Variants in EYA4 observed in about 807,000 individuals in gnomAD.
The protein encoded by EYA4 is protein phosphatase EYA4.
EYA4 carries 31 observed loss-of-function variants against 87.9 expected under a neutral mutation model. The ratio of observed to expected loss-of-function variants is 0.35; its 90% CI spans 0.27 to 0.48. The LOEUF is 0.48. Among genes scored for constraint, EYA4 ranks in the 20% least tolerant of loss-of-function variants. The pLI is 0.99. For missense variants in EYA4, 678 were observed against 761.4 expected (o/e 0.89, Z 1.29); for synonymous variants, 263 against 270.6 (o/e 0.97, Z 0.28).
At chr6:133,411,648 A>G (rs1300783694) in intron 3 of EYA4, among the ~76,000 whole-genome samples, 1 of 152,072 alleles carries the variant, frequency 6.6e-6, no homozygotes, top group African/African-American at 2.4e-5. Flanking sequence ...AAAACTCTAC[A>G]TTATCTTATG....
chr6:133,354,066 CAG>C (rs1783836064), intron 2 of EYA4, among the ~76,000 whole-genome samples: 1 of 152,152 alleles, frequency 6.6e-6, no homozygotes, highest in Non-Finnish European at 1.5e-5. Context: ...ATAGCACCTA[CAG>C]TGTAGCTTAT....
chr6:133,357,366 G>C (rs186648022), intron 2 of EYA4, among the ~76,000 whole-genome samples: 1 of 150,916 alleles, frequency 6.6e-6, no homozygotes, highest in Admixed American at 6.6e-5. Flanking sequence ...GCAAAGAAAA[G>C]GGGGGACCTT....
At chr6:133,344,381 T>C (rs1416896370) in intron 2 of EYA4, among the ~76,000 whole-genome samples, 2 of 152,210 alleles carry the variant, frequency 1.3e-5, no homozygotes, top group Non-Finnish European at 2.9e-5. Flanking sequence ...ATTTGAAAAA[T>C]AAAATTTTAC....
chr6:133,529,054 G>T lies in EYA4; in HGVS notation c.*249G>T. On this transcript the variant is annotated 3_prime_UTR_variant, in exon 20 of 20. Transcript: ENST00000355286. ...TTTTTAAAAATCTGTGGAGGTTGCTGGTACACACCAAATGAGTCCAAACTG... is the reference window on the plus strand; with the variant it reads ...TTTTTAAAAATCTGTGGAGGTTGCTTGTACACACCAAATGAGTCCAAACTG... 7.9e-7 allele frequency: 1 copy of T among 1,268,242 alleles called. No homozygotes were observed. The highest frequency in any genetic ancestry group is 3.3e-4 in the Middle Eastern group (1 of 3,008). 78.6% of individuals were successfully genotyped at this position (1,268,242 alleles called of 1,614,324 possible).
chr6:133,352,797 T>TTAA (rs1783736308), intron 2 of EYA4, among the ~76,000 whole-genome samples: 3 of 152,214 alleles, frequency 2.0e-5, no homozygotes, highest in Admixed American at 1.3e-4. Context: ...AAAGCCAAGC[T>TTAA]TAATAAAAGG....
intron 3 of EYA4, among the ~76,000 whole-genome samples, chr6:133,407,957 G>A (rs993915842): frequency 1.3e-5 from 2 of 152,084 alleles, no homozygotes; most frequent in African/African-American, 4.8e-5. Context: ...AGTATGGGGG[G>A]AAGAAAAGGA....
intron 2 of EYA4, among the ~76,000 whole-genome samples, chr6:133,337,680 C>T (rs1435144269): frequency 6.6e-6 from 1 of 152,178 alleles, no homozygotes; most frequent in Non-Finnish European, 1.5e-5. Context: ...TCTCTAATTG[C>T]TCTCACTTAA....
At chr6:133,504,616 A>T (rs1039902634) in intron 13 of EYA4, among the ~76,000 whole-genome samples, 4 of 152,180 alleles carry the variant, frequency 2.6e-5, no homozygotes, top group African/African-American at 4.8e-5. Flanking sequence ...CCAGGTTTTC[A>T]TGGCTATAGA....
Position 133,437,527 on chromosome 6 carries a change from A to AAT in EYA4, c.84-9094_84-9093dup, listed in dbSNP as rs545397493. 1.6e-3 allele frequency among the ~76,000 whole-genome samples: 242 copies of AAT among 152,266 alleles called. 1 individual carries two copies. The highest frequency in any genetic ancestry group is 9.7e-3 in the South Asian group (47 of 4,828). ...CGTTATTTTAAAGATTAAAGGTGAT[A>AAT]ATATATATATGAAAAACCAAACACA... On this transcript the variant is annotated intron_variant, in intron 3 of 19. Coordinates refer to ENST00000355286, the MANE Select transcript of EYA4 (RefSeq NM_004100.5).
intron 1 of EYA4, among the ~76,000 whole-genome samples, chr6:133,267,316 T>C (rs1776299338): frequency 6.6e-6 from 1 of 152,308 alleles, no homozygotes; most frequent in South Asian, 2.1e-4. Context: ...TGTGCATCCA[T>C]GTTAGCATAA....
intron 3 of EYA4, among the ~76,000 whole-genome samples, chr6:133,408,655 A>T (rs1037632043): frequency 1.3e-5 from 2 of 152,194 alleles, no homozygotes; most frequent in Non-Finnish European, 2.9e-5. Flanking sequence ...CACATACAGG[A>T]TGATAATAAC....
chr6:133,457,700 C>T lies in EYA4; in HGVS notation c.370+1052C>T, dbSNP rs544458884. Among the ~76,000 whole-genome samples, 4 of 152,278 alleles carry T rather than the reference C, an allele frequency of 2.6e-5. No individual in the cohort carries two copies. The East Asian group carries it at 7.7e-4, about 29-fold the overall frequency. On this transcript the variant is annotated intron_variant, in intron 6 of 19. Transcript: ENST00000355286. ...ACAGAGACTCATATGTACTAATCCA[C>T]ATCTTTTCTAGCAGTTTACCTGCCT...
intron 5 of EYA4, chr6:133,453,497 A>T (rs1042006115): frequency 1.3e-5 from 2 of 151,998 alleles, no homozygotes; most frequent in African/African-American, 4.8e-5. Context: ...AGGAGTGTCT[A>T]TTCACTTCTC....
intron 13 of EYA4, among the ~76,000 whole-genome samples, chr6:133,497,984 AAT>A (rs1797776138): frequency 6.6e-6 from 1 of 152,216 alleles, no homozygotes; most frequent in African/African-American, 2.4e-5. Flanking sequence ...CTGGCAAAAT[AAT>A]ATGTTTATCA....
At chr6:133,286,088 G>C (rs567659539) in intron 2 of EYA4, among the ~76,000 whole-genome samples, 1 of 152,278 alleles carries the variant, frequency 6.6e-6, no homozygotes, top group East Asian at 1.9e-4. Context: ...ATCATTTTGA[G>C]AATGAGGCAG....
intron 3 of EYA4, among the ~76,000 whole-genome samples, chr6:133,400,351 T>C (rs1048520251): frequency 6.6e-6 from 1 of 151,628 alleles, no homozygotes; most frequent in African/African-American, 2.4e-5. Context: ...CTACTGAAAA[T>C]ACAAAAATTA....
intron 13 of EYA4, among the ~76,000 whole-genome samples, chr6:133,489,116 G>A (rs1278470785): frequency 6.6e-6 from 1 of 152,128 alleles, no homozygotes; most frequent in Non-Finnish European, 1.5e-5. Context: ...ACATATTGAA[G>A]AATGCATGAG....
chr6:133,488,011 A>G (rs530500727), intron 13 of EYA4, among the ~76,000 whole-genome samples: 25 of 152,252 alleles, frequency 1.6e-4, no homozygotes, highest in African/African-American at 5.3e-4. Context: ...CACTGCCCTG[A>G]AGGGAGAGCC....
intron 10 of EYA4, among the ~76,000 whole-genome samples, chr6:133,467,284 C>T (rs190352440): frequency 6.6e-6 from 1 of 152,250 alleles, no homozygotes; most frequent in East Asian, 1.9e-4. Context: ...AGCTCTGAAA[C>T]TTACTAGCTG....
Sources: allele counts gnomAD v4.1 joint callset (sites outside exome capture counted in the v4.1 genomes callset), GRCh38; gene constraint gnomAD v4.1.1; transcripts MANE v1.5; gene names NCBI Gene and HGNC (gene_info 2026-07-23, HGNC 2026-07-21).